Variants in FILIP1L observed in about 807,000 individuals in gnomAD.
FILIP1L encodes the protein filamin A interacting protein 1 like, also known as filamin A-interacting protein 1-like.
Under a neutral mutation model 96.6 loss-of-function variants are expected in FILIP1L, and 55 were observed. That is an observed-to-expected ratio of 0.57 (90% CI 0.46 to 0.71). The LOEUF (loss-of-function observed/expected upper bound fraction) is 0.71, where lower values mean the gene tolerates loss of function less well. FILIP1L is among the 30% of genes least tolerant of loss of function. The probability of loss-of-function intolerance (pLI) is 0.00; values close to 1 mark genes in which losing one functional copy is unlikely to be tolerated. For synonymous variants in FILIP1L, 467 were observed against 473.9 expected, an observed-to-expected ratio of 0.99 and a Z score of 0.19; for missense variants, 1,304 against 1,321.2, an observed-to-expected ratio of 0.99 and a Z score of 0.20.
intron 1 of FILIP1L, among the ~76,000 whole-genome samples, chr3:100,042,938 A>AATG (rs1230125499): frequency 6.6e-6 from 1 of 152,254 alleles, no homozygotes; most frequent in Admixed American, 6.5e-5. Context: ...ATCATGGAAA[A>AATG]ATGTAAAGTC....
At chr3:99,897,317 C>T (rs944597846) in intron 4 of FILIP1L, among the ~76,000 whole-genome samples, 4 of 151,594 alleles carry the variant, frequency 2.6e-5, no homozygotes, top group South Asian at 2.1e-4. Context: ...TGCAGGGAGC[C>T]GAGATTGCAC....
intron 4 of FILIP1L, among the ~76,000 whole-genome samples, chr3:99,896,125 G>T (rs1648745820): frequency 1.3e-5 from 2 of 152,146 alleles, no homozygotes; most frequent in South Asian, 4.1e-4. Flanking sequence ...GAAGTTAAGG[G>T]AAAACAGAAG....
rs78666157 is a variant in FILIP1L, at chr3:99,939,879, T to G, written c.-10-8849A>C. On this transcript the variant is annotated intron_variant, in intron 1 of 5. Transcript: ENST00000477258. ...ACCACAGATAAAAAGCTAGGTATTC[T>G]GACTTTTTTTTCTCTATGCTCATGC... is the stretch of plus-strand genomic sequence containing the variant. Among the ~76,000 whole-genome samples the G allele has an allele frequency of 4.5e-3, 683 of 152,334 alleles. 8 individuals carry two copies. The highest frequency in any genetic ancestry group is 4.7e-3 in the Non-Finnish European group (317 of 68,040).
At chr3:99,999,236 TAA>T (rs1709773501) in intron 1 of FILIP1L, among the ~76,000 whole-genome samples, 1 of 152,214 alleles carries the variant, frequency 6.6e-6, no homozygotes, top group African/African-American at 2.4e-5. Context: ...GAAAGTGTGA[TAA>T]GCTCTCACTG....
chr3:100,029,511 C>T lies in FILIP1L; in HGVS notation c.-11+84542G>A, dbSNP rs188874819. Among the ~76,000 whole-genome samples the T allele has an allele frequency of 2.5e-3, 384 of 152,158 alleles. 1 individual carries two copies. Among genetic ancestry groups the T allele is most frequent in the African/African-American group, 8.8e-3 (364 of 41,520 alleles). On this transcript the variant is annotated intron_variant, in intron 1 of 5. Transcript: ENST00000477258. Reference sequence around the variant, plus strand: ...AGTGGTTTTGTTTCTAAAAATATAGCCTATATATACATAGACCATACCAGT... The same window carrying T: ...AGTGGTTTTGTTTCTAAAAATATAGTCTATATATACATAGACCATACCAGT...
rs1344596725 is a variant in FILIP1L at position 99,853,586 on chromosome 3, A to C, written c.606-2516T>G. Among the ~76,000 whole-genome samples the C allele has an allele frequency of 2.6e-5, 4 of 152,236 alleles. No homozygotes were observed. The South Asian group carries it at 6.2e-4, about 24-fold the overall frequency. The stretch of plus-strand genomic sequence containing the variant: ...TTTGTTCAGTGTTTTTGGAGTAGGC[A>C]TGATGCATATTTTTCAGCCTGGGGC... On this transcript the variant is annotated intron_variant, in intron 4 of 5. Transcript: ENST00000477258.
rs1706333489 is a variant in FILIP1L, at chr3:99,898,559, G to A, written c.605+25671C>T. 3 of 155,200 alleles carry A rather than the reference G, an allele frequency of 1.9e-5. No homozygotes were observed. In the Admixed American group the frequency reaches 1.9e-4, roughly 10 times the overall value. 9.6% of individuals were successfully genotyped at this position (155,200 alleles called of 1,614,324 possible). On this transcript the variant is annotated intron_variant, in intron 4 of 5. Coordinates refer to ENST00000477258, the MANE Select transcript of FILIP1L (RefSeq NM_001387850.1). Reference sequence around the variant, plus strand: ...AGGTGGGTGGATCACCTGAGGTCAGGGGTTCAAGACTAGCCTGGCCAACAT... The same window carrying A: ...AGGTGGGTGGATCACCTGAGGTCAGAGGTTCAAGACTAGCCTGGCCAACAT...
At chr3:100,024,094 A>G (rs1203868376) in intron 1 of FILIP1L, among the ~76,000 whole-genome samples, 1 of 152,064 alleles carries the variant, frequency 6.6e-6, no homozygotes, top group Admixed American at 6.6e-5. Flanking sequence ...CTCTAACTAC[A>G]TCTTCCACAC....
In FILIP1L at chr3:99,829,005, C is replaced by A. The variant is rs1184034875; in HGVS notation, c.*1409G>T. Among the ~76,000 whole-genome samples the A allele has an allele frequency of 1.3e-5, 2 of 151,644 alleles. No individual in the cohort carries two copies. Among genetic ancestry groups the A allele is most frequent in the Non-Finnish European group, 2.9e-5 (2 of 68,008 alleles). On this transcript the variant is annotated 3_prime_UTR_variant, in exon 6 of 6. Coordinates refer to ENST00000477258, the MANE Select transcript of FILIP1L (RefSeq NM_001387850.1). ...CCCAGGCCTCTAGCTCCTTCTCCTC[C>A]TTGAAATTGCAGGGGCCTGGGGGTG...
chr3:100,076,172 C>T (rs747502978), intron 1 of FILIP1L, among the ~76,000 whole-genome samples: 9 of 152,130 alleles, frequency 5.9e-5, no homozygotes, highest in Non-Finnish European at 1.3e-4. Context: ...AAAATGTAAA[C>T]AATAATTTTG....
intron 1 of FILIP1L, among the ~76,000 whole-genome samples, chr3:99,934,052 G>A (rs577645776): frequency 1.3e-5 from 2 of 152,278 alleles, no homozygotes; most frequent in South Asian, 2.1e-4. Context: ...AGCCTCAGCC[G>A]GGTCATCTCA....
chr3:99,962,719 G>A (rs1708531492), intron 1 of FILIP1L, among the ~76,000 whole-genome samples: 1 of 152,172 alleles, frequency 6.6e-6, no homozygotes, highest in Non-Finnish European at 1.5e-5. Context: ...TATGAGGTAG[G>A]TATTATCCTC....
intron 1 of FILIP1L, among the ~76,000 whole-genome samples, chr3:100,081,645 G>GT (rs2065933892): frequency 6.6e-6 from 1 of 152,078 alleles, no homozygotes. Flanking sequence ...TTTTATGAGA[G>GT]TAACAGTCAT....
At chr3:99,936,332 C>G (rs920344107) in intron 1 of FILIP1L, among the ~76,000 whole-genome samples, 2 of 140,574 alleles carry the variant, frequency 1.4e-5, no homozygotes, top group African/African-American at 5.3e-5. Context: ...TTGATTAACT[C>G]ATTTATTTTG....
chr3:99,864,265 G>A (rs1260156789), intron 4 of FILIP1L, among the ~76,000 whole-genome samples: 1 of 152,044 alleles, frequency 6.6e-6, no homozygotes, highest in African/African-American at 2.4e-5. Context: ...ACTATGCAAG[G>A]CCATCATTAT....
At chr3:99,967,913 T>C (rs1708700306) in intron 1 of FILIP1L, among the ~76,000 whole-genome samples, 1 of 152,182 alleles carries the variant, frequency 6.6e-6, no homozygotes, top group Non-Finnish European at 1.5e-5. Flanking sequence ...GATTTACAAA[T>C]AGATAAGTGC....
At chr3:99,991,927 CACAT>C (rs1216671812) in intron 1 of FILIP1L, among the ~76,000 whole-genome samples, 2 of 146,010 alleles carry the variant, frequency 1.4e-5, no homozygotes, top group Non-Finnish European at 3.0e-5. Flanking sequence ...TATATATACA[CACAT>C]ATGTATGTGT....
intron 1 of FILIP1L, among the ~76,000 whole-genome samples, chr3:100,045,026 T>C (rs564908683): frequency 1.3e-5 from 2 of 152,350 alleles, no homozygotes; most frequent in African/African-American, 4.8e-5. Flanking sequence ...TAAGCTCAGT[T>C]TGGAACATGT....
chr3:99,997,697 A>G (rs776014580), intron 1 of FILIP1L, among the ~76,000 whole-genome samples: 1 of 152,252 alleles, frequency 6.6e-6, no homozygotes, highest in Non-Finnish European at 1.5e-5. Flanking sequence ...TGAATAATAG[A>G]GCAGATTTAT....
Sources: allele counts gnomAD v4.1 joint callset (sites outside exome capture counted in the v4.1 genomes callset), GRCh38; gene constraint gnomAD v4.1.1; transcripts MANE v1.5; gene names NCBI Gene and HGNC (gene_info 2026-07-23, HGNC 2026-07-21).